APBB2: variants seen among roughly 807,000 people sequenced by gnomAD.
APBB2 encodes Fe65-like 1.
Under a neutral mutation model 82.5 loss-of-function variants are expected in APBB2, and 38 were observed. That is an observed-to-expected ratio of 0.46 (90% CI 0.36 to 0.60). The LOEUF is 0.60. Ranked by LOEUF, APBB2 falls within the 20% of genes least tolerant of loss-of-function variation. The pLI is 0.00. For synonymous variants in APBB2, 341 were observed against 368.2 expected (o/e 0.93, Z 0.85); for missense variants, 772 against 972.3 (o/e 0.79, Z 2.74).
chr4:40,870,027 TA>T (rs1266209340), intron 12 of APBB2, among the ~76,000 whole-genome samples: 2 of 148,244 alleles, frequency 1.3e-5, no homozygotes, highest in Non-Finnish European at 3.0e-5. Context: ...TTCAAGTGTC[TA>T]AAAACTTAGG....
chr4:41,134,162 T>C (rs1456063236), intron 2 of APBB2, among the ~76,000 whole-genome samples: 1 of 152,098 alleles, frequency 6.6e-6, no homozygotes, highest in Non-Finnish European at 1.5e-5. Flanking sequence ...AATTAATTTT[T>C]TGTAGAGATA....
chr4:40,890,760 A>C (rs181143979), intron 11 of APBB2: 1 of 341,408 alleles, frequency 2.9e-6, no homozygotes, highest in Non-Finnish European at 5.3e-6. Flanking sequence ...AATTATTTAC[A>C]CTTCTGAATC....
chr4:41,056,601 G>A (rs1407960743), intron 4 of APBB2, among the ~76,000 whole-genome samples: 1 of 152,098 alleles, frequency 6.6e-6, no homozygotes, highest in Non-Finnish European at 1.5e-5. Flanking sequence ...AAGAATTGAG[G>A]GCAATATGTA....
At chr4:40,977,756 C>G (rs536817148) in intron 6 of APBB2, among the ~76,000 whole-genome samples, 1 of 152,306 alleles carries the variant, frequency 6.6e-6, no homozygotes, top group Non-Finnish European at 1.5e-5. Context: ...AGGTCCGAGG[C>G]TAGGAATGAC....
intron 5 of APBB2, among the ~76,000 whole-genome samples, chr4:41,018,652 C>T (rs1810663784): frequency 2.0e-5 from 3 of 152,156 alleles, no homozygotes; most frequent in African/African-American, 7.2e-5. Flanking sequence ...TCCGAGAAGG[C>T]GATGACTATG....
chr4:40,825,835 T>G (rs982383755), intron 15 of APBB2, 52 bp downstream of exon 15: 16 of 1,498,366 alleles, frequency 1.1e-5, no homozygotes, highest in Admixed American at 8.4e-5. Flanking sequence ...GAACGCCTCC[T>G]GTGAGCTCCC....
At chr4:40,947,897 T>C (rs1788891113) in intron 6 of APBB2, among the ~76,000 whole-genome samples, 1 of 151,952 alleles carries the variant, frequency 6.6e-6, no homozygotes, top group South Asian at 2.1e-4. Flanking sequence ...AAAGAAAGAA[T>C]AAATAAAGAA....
chr4:41,175,238 A>C (rs541943741), intron 1 of APBB2, among the ~76,000 whole-genome samples: 49 of 152,312 alleles, frequency 3.2e-4, no homozygotes, highest in African/African-American at 1.1e-3. Context: ...TCATTATTTC[A>C]CTCATAACTT....
chr4:40,949,358 T>C (rs918485449), intron 6 of APBB2, among the ~76,000 whole-genome samples: 2 of 152,174 alleles, frequency 1.3e-5, no homozygotes, highest in African/African-American at 2.4e-5. Context: ...AGCACCCATT[T>C]TGTCCGTCAT....
At chr4:40,875,129 G>A (rs994764753) in intron 12 of APBB2, among the ~76,000 whole-genome samples, 1 of 152,174 alleles carries the variant, frequency 6.6e-6, no homozygotes, top group African/African-American at 2.4e-5. Flanking sequence ...ACATCGTGGG[G>A]TTTGGCTCCA....
At chr4:40,846,634 C>G (rs1757747357) in intron 12 of APBB2, among the ~76,000 whole-genome samples, 1 of 152,188 alleles carries the variant, frequency 6.6e-6, no homozygotes, top group South Asian at 2.1e-4. Context: ...AAGCTCCCCT[C>G]CCACCTCACT....
At chr4:40,987,492 A>G (rs924377960) in intron 6 of APBB2, among the ~76,000 whole-genome samples, 2 of 152,216 alleles carry the variant, frequency 1.3e-5, no homozygotes, top group African/African-American at 4.8e-5. Context: ...AAAGGATAAG[A>G]TGGTCTATTT....
At chr4:41,079,640 C>T (rs574793102) in intron 3 of APBB2, among the ~76,000 whole-genome samples, 20 of 151,976 alleles carry the variant, frequency 1.3e-4, no homozygotes, top group Admixed American at 1.2e-3. Flanking sequence ...CCTCCACCTC[C>T]CAGGTTCAAG....
intron 5 of APBB2, among the ~76,000 whole-genome samples, chr4:41,031,065 A>C (rs975731449): frequency 6.6e-6 from 1 of 152,122 alleles, no homozygotes; most frequent in Non-Finnish European, 1.5e-5. Flanking sequence ...TCTTTACTAA[A>C]ATTACAAAAA....
intron 3 of APBB2, among the ~76,000 whole-genome samples, chr4:41,077,339 G>A (rs538251349): frequency 2.6e-5 from 4 of 151,228 alleles, no homozygotes; most frequent in East Asian, 3.9e-4. Context: ...TAATTACATT[G>A]GAGAAAAAAA....
intron 6 of APBB2, among the ~76,000 whole-genome samples, chr4:41,011,144 TA>T (rs1341527077): frequency 2.1e-4 from 31 of 146,712 alleles, no homozygotes; most frequent in African/African-American, 7.9e-4. Flanking sequence ...AATTGATTAT[TA>T]TTGTTTTTTT....
At chr4:41,111,846 C>T (rs939608253) in intron 2 of APBB2, among the ~76,000 whole-genome samples, 5 of 152,132 alleles carry the variant, frequency 3.3e-5, no homozygotes, top group African/African-American at 1.2e-4. Context: ...AACAAGCAGT[C>T]GCCATTACAA....
chr4:40,848,313 A>G (rs945882810), intron 12 of APBB2, among the ~76,000 whole-genome samples: 2 of 152,230 alleles, frequency 1.3e-5, no homozygotes, highest in African/African-American at 2.4e-5. Flanking sequence ...ATAACCTTGC[A>G]GGGGGAAGCA....
chr4:40,879,207 G>T (rs923269122), intron 12 of APBB2, among the ~76,000 whole-genome samples: 1 of 151,680 alleles, frequency 6.6e-6, no homozygotes, highest in Non-Finnish European at 1.5e-5. Flanking sequence ...AGACTAGAAC[G>T]TGGGACCTGG....
Sources: allele counts gnomAD v4.1 joint callset (sites outside exome capture counted in the v4.1 genomes callset), GRCh38; gene constraint gnomAD v4.1.1; transcripts MANE v1.5; gene names NCBI Gene and HGNC (gene_info 2026-07-23, HGNC 2026-07-21).